The following NMT1 variants were observed in gnomAD, a reference collection of about 807,000 sequenced individuals.
The protein encoded by NMT1 is glycylpeptide N-tetradecanoyltransferase 1.
NMT1 carries 12 observed loss-of-function variants against 63.4 expected under a neutral mutation model. The observed-to-expected ratio is 0.19, with a 90% confidence interval of 0.12 to 0.31. NMT1 has a LOEUF of 0.31. Ranked by LOEUF, NMT1 falls within the 10% of genes least tolerant of loss-of-function variation. The probability of loss-of-function intolerance (pLI) is 1.00; values close to 1 mark genes in which losing one functional copy is unlikely to be tolerated. For synonymous variants in NMT1, 228 were observed against 234.3 expected, an observed-to-expected ratio of 0.97 and a Z score of 0.25; for missense variants, 432 against 634.6, an observed-to-expected ratio of 0.68 and a Z score of 3.43.
intron 1 of NMT1, among the ~76,000 whole-genome samples, chr17:45,078,943 A>G (rs896294600): frequency 7.2e-5 from 11 of 152,068 alleles, no homozygotes; most frequent in Non-Finnish European, 7.4e-5. Flanking sequence ...GATTACAGGC[A>G]TGACCCACCA....
Position 45,104,837 on chromosome 17 carries a change from G to A in NMT1, c.1333-22G>A. ...TCCCCACCTGTCCTCACCTGTTCTTGTTTGTCCCTGCTGCTTTGCAGAAAG... is the reference window on the plus strand; with the variant it reads ...TCCCCACCTGTCCTCACCTGTTCTTATTTGTCCCTGCTGCTTTGCAGAAAG... On this transcript the variant is annotated intron_variant, in intron 10 of 11. Coordinates refer to ENST00000258960, the MANE Select transcript of NMT1 (RefSeq NM_021079.5). The surrounding 1 kb of genome is among the most constrained non-coding windows in gnomAD (Gnocchi z 4.2). 2 of 1,614,046 alleles carry A rather than the reference G, an allele frequency of 1.2e-6. No homozygotes were observed. The highest frequency in any genetic ancestry group is 8.5e-7 in the Non-Finnish European group (1 of 1,179,922).
At chr17:45,075,442 A>T (rs2053971300) in intron 1 of NMT1, among the ~76,000 whole-genome samples, 1 of 150,488 alleles carries the variant, frequency 6.6e-6, no homozygotes, top group Non-Finnish European at 1.5e-5. Context: ...CCGAGATCAC[A>T]CCACTGCACT....
Position 45,105,800 on chromosome 17 carries a change from T to C in NMT1, c.*161T>C, listed in dbSNP as rs2054199471. 2 of 642,776 alleles carry C rather than the reference T, an allele frequency of 3.1e-6. No individual in the cohort carries two copies. Among genetic ancestry groups the C allele is most frequent in the Non-Finnish European group, 5.3e-6 (2 of 379,026 alleles). 39.8% of individuals were successfully genotyped at this position (642,776 alleles called of 1,614,324 possible). The stretch of plus-strand genomic sequence containing the variant: ...CCGCCAGCGAACTTGACAATTGTAT[T>C]GCGATGGCGTGGGCTGCGTGACGTC... On this transcript the variant is annotated 3_prime_UTR_variant, in exon 12 of 12. Transcript: ENST00000258960. The surrounding 1 kb of genome is among the most constrained non-coding windows in gnomAD (Gnocchi z 4.2).
chr17:45,075,185 C>T (rs2143467377), intron 1 of NMT1, among the ~76,000 whole-genome samples: 1 of 152,102 alleles, frequency 6.6e-6, no homozygotes, highest in East Asian at 1.9e-4. Context: ...AAGACCCTGT[C>T]TCAAAAATGA....
At chr17:45,075,711 A>G (rs1216938653) in intron 1 of NMT1, among the ~76,000 whole-genome samples, 1 of 151,954 alleles carries the variant, frequency 6.6e-6, no homozygotes, top group Non-Finnish European at 1.5e-5. Flanking sequence ...CGGAGGTTGC[A>G]GTGAGCTGAG....
intron 1 of NMT1, among the ~76,000 whole-genome samples, chr17:45,069,585 C>T (rs566224544): frequency 1.8e-4 from 28 of 152,244 alleles, no homozygotes; most frequent in African/African-American, 5.3e-4. Flanking sequence ...GCCACCACTG[C>T]GCCCAGCTAG....
chr17:45,061,631 G>C, intron 1 of NMT1, 171 bp downstream of exon 1: 1 of 596,788 alleles, frequency 1.7e-6, no homozygotes. Flanking sequence ...TACCAAGGGT[G>C]GGTGCTCTGG....
Position 45,105,649 on chromosome 17 carries a change from A to G in NMT1, c.*10A>G, listed in dbSNP as rs1567873580. The G allele has an allele frequency of 6.2e-7, 1 of 1,612,578 alleles. No individual in the cohort carries two copies. The highest frequency in any genetic ancestry group is 1.3e-5 in the African/African-American group (1 of 74,864). ...ACTGGTGCTACAATAACCAGTCACC[A>G]GTGCGATTCTGGATAAAGCCACTGA... On this transcript the variant is annotated 3_prime_UTR_variant, in exon 12 of 12. Coordinates refer to ENST00000258960, the MANE Select transcript of NMT1 (RefSeq NM_021079.5). The surrounding 1 kb of genome is among the most constrained non-coding windows in gnomAD (Gnocchi z 4.2).
At chr17:45,091,501 G>A (rs566699914) in intron 3 of NMT1, among the ~76,000 whole-genome samples, 122 of 152,210 alleles carry the variant, frequency 8.0e-4, no homozygotes, top group Middle Eastern at 3.4e-3. Context: ...GTACAATAGG[G>A]AAGACCATCA....
At chr17:45,077,484 A>C (rs770586993) in intron 1 of NMT1, among the ~76,000 whole-genome samples, 18 of 152,156 alleles carry the variant, frequency 1.2e-4, no homozygotes, top group Admixed American at 2.0e-4. Context: ...TTCACCTCCC[A>C]GGTTCAAGTG....
intron 2 of NMT1, among the ~76,000 whole-genome samples, chr17:45,084,711 T>A (rs1417701767): frequency 6.6e-6 from 1 of 150,890 alleles, no homozygotes; most frequent in Non-Finnish European, 1.5e-5. Flanking sequence ...TAAGCAGTCC[T>A]CCCGCCTCAG....
chr17:45,104,974 G>A lies in NMT1; in HGVS notation c.1448G>A (p.Cys483Tyr). ...CAGTATTACCTTTACAATTGGAAAT[G>A]CCCCAGCATGGGGGCAGAGAAGGTA... is the stretch of plus-strand genomic sequence containing the variant. ...NLQYYLYNWK[C>Y]PSMGAEKVGL... Residue 483 changes from cysteine (C) to tyrosine (Y), a missense_variant, in exon 11 of 12, where the codon TGC becomes TAC. Physicochemically the swap from Cys to Tyr is radical, Grantham distance 194. Transcript: ENST00000258960. The surrounding 1 kb of genome is among the most constrained non-coding windows in gnomAD (Gnocchi z 4.2). 1 of 1,614,188 alleles carries A rather than the reference G, an allele frequency of 6.2e-7. No homozygotes were observed. The highest frequency in any genetic ancestry group is 8.5e-7 in the Non-Finnish European group (1 of 1,180,024).
chr17:45,065,603 G>A (rs1162769349), intron 1 of NMT1, among the ~76,000 whole-genome samples: 1 of 125,502 alleles, frequency 8.0e-6, no homozygotes, highest in African/African-American at 3.1e-5. Context: ...CAGCCTGGGC[G>A]ACAGAGCCAG....
At chr17:45,096,096 T>G (rs1377950231) in intron 4 of NMT1, 98 bp from the exon 5 acceptor site, 3 of 919,100 alleles carry the variant, frequency 3.3e-6, no homozygotes, top group Admixed American at 2.0e-5. Context: ...TTTTTGGTAG[T>G]TTGCTTCATC....
At chr17:45,069,769 T>G (rs189906254) in intron 1 of NMT1, among the ~76,000 whole-genome samples, 32 of 152,200 alleles carry the variant, frequency 2.1e-4, no homozygotes, top group Admixed American at 1.6e-3. Flanking sequence ...CCTATGGACG[T>G]TCCCAAACTT....
At chr17:45,076,863 A>G (rs920453976) in intron 1 of NMT1, among the ~76,000 whole-genome samples, 1 of 152,216 alleles carries the variant, frequency 6.6e-6, no homozygotes, top group African/African-American at 2.4e-5. Flanking sequence ...TACAAATTCA[A>G]GCCAATATAA....
At chr17:45,091,826 G>C (rs1001425748) in intron 3 of NMT1, among the ~76,000 whole-genome samples, 1 of 152,146 alleles carries the variant, frequency 6.6e-6, no homozygotes, top group African/African-American at 2.4e-5. Flanking sequence ...AGGAGTTTGA[G>C]ACCAGCCTGG....
rs1477387533 is a variant in NMT1 at position 45,108,982 on chromosome 17, C to G, written c.*3343C>G. ...CATTGTTGTTCTGCTCAATACATCT[C>G]ACTTGTTTCTAATAAAGAAAGCAGC... On this transcript the variant is annotated 3_prime_UTR_variant, in exon 12 of 12. Coordinates refer to ENST00000258960, the MANE Select transcript of NMT1 (RefSeq NM_021079.5). 6.6e-6 allele frequency: 1 copy of G among 152,632 alleles called. No individual in the cohort carries two copies. The highest frequency in any genetic ancestry group is 2.4e-5 in the African/African-American group (1 of 41,434). 9.5% of individuals were successfully genotyped at this position (152,632 alleles called of 1,614,324 possible). A position where few individuals can be genotyped will look rare whatever the true frequency, so the allele number is the denominator to read the frequency against.
rs766086965 is a variant in NMT1 at position 45,098,499 on chromosome 17, C to T, written c.831C>T (p.Phe277=). 10 of 1,614,234 alleles carry T rather than the reference C, an allele frequency of 6.2e-6. No individual in the cohort carries two copies. Among genetic ancestry groups the T allele is most frequent in the Non-Finnish European group, 7.6e-6 (9 of 1,180,038 alleles). Residue 277 remains phenylalanine, a synonymous_variant, in exon 7 of 12, where the codon TTC becomes TTT. Coordinates refer to ENST00000258960, the MANE Select transcript of NMT1 (RefSeq NM_021079.5). The part of the protein sequence containing the change: ...ITRRVHLEGI[F]QAVYTAGVVL... ...GGCGGGTTCACCTGGAGGGCATCTT[C>T]CAAGCAGTTTACACTGCCGGGGTGG...
Sources: allele counts gnomAD v4.1 joint callset (sites outside exome capture counted in the v4.1 genomes callset), GRCh38; gene constraint gnomAD v4.1.1; non-coding constraint Gnocchi (gnomAD v3.1); transcripts MANE v1.5; gene names NCBI Gene and HGNC (gene_info 2026-07-23, HGNC 2026-07-21).